Variants in SSBP2 observed in about 807,000 individuals in gnomAD.
SSBP2 encodes single-stranded DNA-binding protein 2.
SSBP2 carries 17 observed loss-of-function variants against 61.8 expected under a neutral mutation model. The observed-to-expected ratio is 0.28, with a 90% CI of 0.19 to 0.41. The LOEUF is 0.41. Ranked by LOEUF, SSBP2 falls within the 10% of genes least tolerant of loss-of-function variation. The pLI is 1.00. For synonymous variants in SSBP2, 139 were observed against 141.3 expected (o/e 0.98, Z 0.12); for missense variants, 310 against 458.7 (o/e 0.68, Z 2.96).
At chr5:81,564,414 C>T (rs1773278920) in intron 4 of SSBP2, among the ~76,000 whole-genome samples, 1 of 152,188 alleles carries the variant, frequency 6.6e-6, no homozygotes, top group Admixed American at 6.5e-5. Flanking sequence ...CACAGTTTTC[C>T]AGTTTCAGTT....
chr5:81,691,044 C>A (rs1252253150), intron 1 of SSBP2, among the ~76,000 whole-genome samples: 1 of 151,966 alleles, frequency 6.6e-6, no homozygotes, highest in East Asian at 1.9e-4. Context: ...ACACAACATA[C>A]CAAAACCTGT....
intron 9 of SSBP2, among the ~76,000 whole-genome samples, chr5:81,463,373 T>C (rs1377184535): frequency 2.0e-5 from 3 of 152,154 alleles, no homozygotes; most frequent in Non-Finnish European, 2.9e-5. Context: ...TATATAAGTA[T>C]GGTTTGAAGT....
chr5:81,428,493 T>A (rs1306220351), intron 16 of SSBP2, 92 bp downstream of exon 16: 31 of 857,368 alleles, frequency 3.6e-5, no homozygotes, highest in Non-Finnish European at 5.6e-5. Context: ...GAACTCTAGA[T>A]AAACAGCAGT....
intron 1 of SSBP2, among the ~76,000 whole-genome samples, chr5:81,712,811 C>T (rs1312847325): frequency 6.6e-6 from 1 of 151,150 alleles, no homozygotes; most frequent in African/African-American, 2.4e-5. Flanking sequence ...TGGCTCACTG[C>T]AGCCTTGACC....
intron 8 of SSBP2, among the ~76,000 whole-genome samples, chr5:81,472,363 A>G (rs1765303056): frequency 6.6e-6 from 1 of 152,190 alleles, no homozygotes; most frequent in African/African-American, 2.4e-5. Context: ...ACCTCAGTGT[A>G]TACTTCTGGG....
intron 4 of SSBP2, among the ~76,000 whole-genome samples, chr5:81,577,941 T>C (rs1774356379): frequency 6.6e-6 from 1 of 152,010 alleles, no homozygotes. Context: ...ACATGAATCA[T>C]CATATTTAAT....
chr5:81,443,694 C>A (rs1763184364), intron 12 of SSBP2, among the ~76,000 whole-genome samples: 1 of 151,990 alleles, frequency 6.6e-6, no homozygotes, highest in Non-Finnish European at 1.5e-5. Flanking sequence ...TCCCAAGTAG[C>A]TGGGACTACA....
At chr5:81,546,896 G>A (rs1771767998) in intron 4 of SSBP2, among the ~76,000 whole-genome samples, 1 of 150,456 alleles carries the variant, frequency 6.6e-6, no homozygotes, top group African/African-American at 2.5e-5. Flanking sequence ...AACCTTTATA[G>A]AACATATTGT....
chr5:81,676,852 G>A (rs1222261847), intron 1 of SSBP2, among the ~76,000 whole-genome samples: 1 of 151,992 alleles, frequency 6.6e-6, no homozygotes, highest in Non-Finnish European at 1.5e-5. Context: ...CCTGGTAGAT[G>A]TTAGTGGAAA....
intron 4 of SSBP2, among the ~76,000 whole-genome samples, chr5:81,554,284 A>G (rs1316159079): frequency 2.6e-5 from 4 of 152,074 alleles, no homozygotes; most frequent in Non-Finnish European, 5.9e-5. Context: ...ATTCTGTAAC[A>G]TAATGGATTT....
At chr5:81,565,274 C>G (rs554098252) in intron 4 of SSBP2, among the ~76,000 whole-genome samples, 1 of 152,162 alleles carries the variant, frequency 6.6e-6, no homozygotes, top group African/African-American at 2.4e-5. Context: ...TAACCAAAAG[C>G]AAATGCCTAT....
At chr5:81,700,275 G>A (rs930270383) in intron 1 of SSBP2, among the ~76,000 whole-genome samples, 34 of 152,218 alleles carry the variant, frequency 2.2e-4, no homozygotes, top group African/African-American at 7.9e-4. Context: ...GAACTCTTAG[G>A]TGACAAAGTG....
At chr5:81,654,825 C>G (rs924450865) in intron 1 of SSBP2, among the ~76,000 whole-genome samples, 3 of 152,212 alleles carry the variant, frequency 2.0e-5, no homozygotes, top group African/African-American at 7.2e-5. Flanking sequence ...AACGTGAGAT[C>G]ACCAAACAGA....
chr5:81,465,758 C>T (rs145254500), intron 9 of SSBP2, among the ~76,000 whole-genome samples: 1 of 151,874 alleles, frequency 6.6e-6, no homozygotes, highest in African/African-American at 2.4e-5. Flanking sequence ...GCAGAAAATG[C>T]CATTCACTCT....
chr5:81,486,389 A>T (rs1334899458), intron 6 of SSBP2, among the ~76,000 whole-genome samples: 1 of 152,184 alleles, frequency 6.6e-6, no homozygotes, highest in Non-Finnish European at 1.5e-5. Flanking sequence ...TATCTTATAC[A>T]TGGCAGGCAT....
chr5:81,681,567 G>T (rs554722844), intron 1 of SSBP2, among the ~76,000 whole-genome samples: 16 of 150,238 alleles, frequency 1.1e-4, no homozygotes, highest in African/African-American at 3.9e-4. Context: ...TTTGTGAAAT[G>T]TACCAAATGC....
intron 4 of SSBP2, among the ~76,000 whole-genome samples, chr5:81,601,463 G>A (rs539541522): frequency 2.0e-5 from 3 of 152,240 alleles, no homozygotes; most frequent in South Asian, 4.1e-4. Context: ...CTGGGAAAAT[G>A]TGAATAAGAT....
At chr5:81,649,557 T>TG (rs2153708044) in intron 2 of SSBP2, among the ~76,000 whole-genome samples, 1 of 152,176 alleles carries the variant, frequency 6.6e-6, no homozygotes, top group Admixed American at 6.6e-5. Context: ...CACTTAGAAG[T>TG]GGGAGCTACA....
intron 4 of SSBP2, among the ~76,000 whole-genome samples, chr5:81,563,708 T>G (rs1191440434): frequency 6.6e-6 from 1 of 152,104 alleles, no homozygotes; most frequent in Non-Finnish European, 1.5e-5. Flanking sequence ...AGAATGAAAT[T>G]AGACCCTTAT....
Sources: allele counts gnomAD v4.1 joint callset (sites outside exome capture counted in the v4.1 genomes callset), GRCh38; gene constraint gnomAD v4.1.1; transcripts MANE v1.5; gene names NCBI Gene and HGNC (gene_info 2026-07-23, HGNC 2026-07-21).